ADPRHL1: variants seen among roughly 807,000 people sequenced by gnomAD.
The protein encoded by ADPRHL1 is ADP-ribosylhydrolase like 1.
Under a neutral mutation model 44.1 loss-of-function variants are expected in ADPRHL1, and 43 were observed. The observed-to-expected ratio is 0.98, with a 90% CI of 0.76 to 1.26. The LOEUF (loss-of-function observed/expected upper bound fraction) is 1.26. Ranked by LOEUF, ADPRHL1 falls within the 50% of genes most tolerant of loss-of-function variation. ADPRHL1 has a pLI of 0.00. For missense variants in ADPRHL1, 2,022 were observed against 2,496.9 expected, an observed-to-expected ratio of 0.81 and a Z score of 4.05; for synonymous variants, 878 against 1,017.4, an observed-to-expected ratio of 0.86 and a Z score of 2.61.
At position 113,403,546 on chromosome 13, in the gene ADPRHL1, A is replaced by G. The variant is rs931967490; in HGVS notation, c.5736T>C (p.Ala1912=). 4.1e-6 allele frequency: 5 copies of G among 1,231,666 alleles called. No homozygotes were observed. The African/African-American group carries it at 6.2e-5, about 15-fold the overall frequency. 76.3% of individuals were successfully genotyped at this position (1,231,666 alleles called of 1,614,324 possible). The part of the protein sequence containing the change: ...AQEGSPDHPG[A]ERALQDRMEA... ...CCATCCTGTCCTGCAGGGCCCTCTC[A>G]GCCCCAGGGTGGTCTGGGGACCCCT... The change falls in exon 8 of 8, where the codon GCT becomes GCC. Residue 1912 remains alanine, a synonymous_variant. Transcript: ENST00000612156.
Position 113,425,121 on chromosome 13 carries a change from C to T in ADPRHL1, c.705G>A (p.Arg235=). 3 of 1,613,610 alleles carry T rather than the reference C, an allele frequency of 1.9e-6. No homozygotes were observed. Among genetic ancestry groups the T allele is most frequent in the African/African-American group, 1.3e-5 (1 of 75,008 alleles). The change falls in exon 5 of 8, where the codon AGG becomes AGA. Residue 235 remains arginine (R), a synonymous_variant. Transcript: ENST00000612156. ...TATTTTCTGAGTCTTTACTGATTTTCCTCTCCTCCAAATAAAATTGCCATT... is the reference window on the plus strand; with the variant it reads ...TATTTTCTGAGTCTTTACTGATTTTTCTCTCCTCCAAATAAAATTGCCATT... ...EAKWQFYLEE[R]KISKDSENKA... is the part of the protein sequence containing the mutation.
rs765774525 is a variant in ADPRHL1, at chr13:113,404,806, A to G, written c.4476T>C (p.Val1492=). ...PAAQGQAQKQ[V]QEWDRGQVQG... ...GAACCTGTCCCCGGTCCCATTCCTG[A>G]ACCTGTTTCTGGGCCTGTCCTTGGG... Residue 1492 remains valine (V), a synonymous_variant, in exon 8 of 8, where the codon GTT becomes GTC. Transcript: ENST00000612156. The G allele has an allele frequency of 8.3e-5, 104 of 1,253,986 alleles. No homozygotes were observed. The highest frequency in any genetic ancestry group is 1.2e-4 in the Admixed American group (3 of 24,046). 77.7% of individuals were successfully genotyped at this position (1,253,986 alleles called of 1,614,324 possible). A position where few individuals can be genotyped will look rare whatever the true frequency, so the allele number is the denominator to read the frequency against.
intron 4 of ADPRHL1, 52 bp downstream of exon 4, chr13:113,428,900 G>C (rs2043986153): frequency 2.5e-6 from 4 of 1,606,538 alleles, no homozygotes; most frequent in Admixed American, 3.3e-5. Context: ...GGAGGGGCTG[G>C]ATCTGTCCAG....
intron 3 of ADPRHL1, among the ~76,000 whole-genome samples, chr13:113,432,304 G>A (rs1232104487): frequency 1.3e-5 from 2 of 151,860 alleles, no homozygotes; most frequent in African/African-American, 4.8e-5. Context: ...TTGTAGAGAT[G>A]GAGTCTCCCC....
In ADPRHL1 at chr13:113,441,175, T is replaced by C. The variant is rs888941798; in HGVS notation, c.379+3250A>G. Among the ~76,000 whole-genome samples the C allele has an allele frequency of 6.6e-5, 10 of 152,128 alleles. No individual in the cohort carries two copies. Among genetic ancestry groups the C allele is most frequent in the Admixed American group, 5.2e-4 (8 of 15,264 alleles). On this transcript the variant is annotated intron_variant, in intron 2 of 7. Coordinates refer to ENST00000612156, the MANE Select transcript of ADPRHL1 (RefSeq NM_001394807.1). The surrounding 1 kb of genome is among the most constrained non-coding windows in gnomAD (Gnocchi z 6.0). ...CTCAAAATTAAAAAGTTGTTTCTTA[T>C]AAGCAGCACATAGTTGGGGGCTGGG... is the stretch of plus-strand genomic sequence containing the variant.
intron 7 of ADPRHL1, among the ~76,000 whole-genome samples, chr13:113,416,548 C>G (rs9549778): frequency 0.4 from 60,387 of 151,812 alleles, 12,427 homozygotes; most frequent in Middle Eastern, 0.5. Context: ...ATTACAGCAA[C>G]TGCCTAGGGT....
rs930239840 is a variant in ADPRHL1, at chr13:113,404,269, C to T, written c.5013G>A (p.Gly1671=). 5.1e-5 allele frequency: 67 copies of T among 1,320,872 alleles called. No individual in the cohort carries two copies. Among genetic ancestry groups the T allele is most frequent in the Non-Finnish European group, 5.8e-5 (61 of 1,043,836 alleles). 81.8% of individuals were successfully genotyped at this position (1,320,872 alleles called of 1,614,324 possible). A position where few individuals can be genotyped will look rare whatever the true frequency, so the allele number is the denominator to read the frequency against. Residue 1671 remains glycine, a synonymous_variant, in exon 8 of 8, where the codon GGG becomes GGA. Transcript: ENST00000612156. The part of the protein sequence containing the change: ...QIEAQGQAQK[G]AQERAREQAQ... ...CCTGTTCCCGAGCCCGTTCCTGAGC[C>T]CCCTTCTGGGCCTGACCCTGAGCCT...
intron 1 of ADPRHL1, among the ~76,000 whole-genome samples, chr13:113,446,348 G>C (rs1010780887): frequency 6.6e-6 from 1 of 151,794 alleles, no homozygotes; most frequent in Non-Finnish European, 1.5e-5. Context: ...GAGGGCTCCC[G>C]TGGCTGCAAA....
intron 4 of ADPRHL1, among the ~76,000 whole-genome samples, chr13:113,426,940 G>A (rs2043972666): frequency 6.6e-6 from 1 of 152,198 alleles, no homozygotes; most frequent in African/African-American, 2.4e-5. Flanking sequence ...GTTTCCGGAG[G>A]GTGTCCTACG....
chr13:113,421,618 C>T (rs116019064), intron 7 of ADPRHL1, among the ~76,000 whole-genome samples: 9,199 of 152,274 alleles, frequency 0.06, 466 homozygotes, highest in African/African-American at 0.14. Context: ...CCCAATGCAC[C>T]TGGGAGCTGG....
intron 5 of ADPRHL1, 119 bp from the exon 6 acceptor site, chr13:113,424,468 CTTTTT>C: frequency 7.2e-7 from 1 of 1,389,564 alleles, no homozygotes; most frequent in Non-Finnish European, 9.8e-7. Context: ...CCACCCTTTT[CTTTTT>C]GAGATGAATC....
chr13:113,437,073 A>G (rs12868530), intron 2 of ADPRHL1, among the ~76,000 whole-genome samples: 9 of 134,418 alleles, frequency 6.7e-5, no homozygotes, highest in Admixed American at 1.5e-4. Flanking sequence ...CCCGGGACCC[A>G]GCACCCACAC....
intron 7 of ADPRHL1, 145 bp from the exon 8 acceptor site, chr13:113,408,365 G>A: frequency 1.2e-6 from 1 of 847,420 alleles, no homozygotes; most frequent in East Asian, 3.3e-5. Context: ...GCCAGGAGCT[G>A]TGGCTTCTGG....
intron 3 of ADPRHL1, among the ~76,000 whole-genome samples, chr13:113,431,544 C>T (rs2044007432): frequency 1.3e-5 from 2 of 152,192 alleles, no homozygotes; most frequent in Admixed American, 1.3e-4. Flanking sequence ...CATGGGAGCA[C>T]GCGATGCAGG....
At position 113,433,735 on chromosome 13, in the gene ADPRHL1, C is replaced by T. The variant is rs528070106; in HGVS notation, c.505+7G>A. 1.3e-6 allele frequency: 2 copies of T among 1,587,330 alleles called. No individual in the cohort carries two copies. The highest frequency in any genetic ancestry group is 1.7e-6 in the Non-Finnish European group (2 of 1,169,986). On this transcript the variant is annotated splice_region_variant and intron_variant, in intron 3 of 7. Transcript: ENST00000612156. ...TGACCTCCCTCCCACCCCCCGCCCA[C>T]ACTTACCTGTGGGATGGTTGTGGGT...
intron 2 of ADPRHL1, among the ~76,000 whole-genome samples, chr13:113,438,904 C>T (rs2044079208): frequency 6.6e-6 from 1 of 152,114 alleles, no homozygotes; most frequent in African/African-American, 2.4e-5. Flanking sequence ...GGACTCAAGT[C>T]CTTATCAGAT....
intron 2 of ADPRHL1, among the ~76,000 whole-genome samples, chr13:113,443,349 C>T (rs1000572977): frequency 7.2e-5 from 11 of 152,052 alleles, no homozygotes; most frequent in African/African-American, 2.4e-4. Flanking sequence ...GTGGCTCCTG[C>T]CTGTAATCTC....
At chr13:113,444,264 G>A (rs1028213864) in intron 2 of ADPRHL1, among the ~76,000 whole-genome samples, 161 bp downstream of exon 2, 2 of 151,878 alleles carry the variant, frequency 1.3e-5, no homozygotes, top group African/African-American at 4.8e-5. Flanking sequence ...CGCACTGGCC[G>A]GGCTGACCAG....
chr13:113,430,721 C>T lies in ADPRHL1; in HGVS notation c.506-1629G>A, dbSNP rs61968973. Reference sequence around the variant, plus strand: ...TAAAAGGCGGGGGTGGCACTAGTGGCGGGGGTGGCAGTGGCACCAGTGGCG... The same window carrying T: ...TAAAAGGCGGGGGTGGCACTAGTGGTGGGGGTGGCAGTGGCACCAGTGGCG... On this transcript the variant is annotated intron_variant, in intron 3 of 7. Coordinates refer to ENST00000612156, the MANE Select transcript of ADPRHL1 (RefSeq NM_001394807.1). Among the ~76,000 whole-genome samples the T allele has an allele frequency of 1.5e-3, 222 of 144,558 alleles. 1 individual carries two copies. The highest frequency in any genetic ancestry group is 2.8e-3 in the Admixed American group (41 of 14,600). The allele number at this position is 144,558 out of a possible 152,430, so 94.8% of individuals were successfully genotyped here.
Sources: gnomAD v4.1 joint callset for allele counts (sites outside exome capture counted in the v4.1 genomes callset) on GRCh38, gnomAD v4.1.1 for gene constraint, Gnocchi (gnomAD v3.1) non-coding constraint, MANE v1.5 for transcripts, NCBI Gene and HGNC (gene_info 2026-07-23, HGNC 2026-07-21) for gene names.